RCC2: variants seen among roughly 807,000 people sequenced by gnomAD.
RCC2 encodes regulator of chromosome condensation 2.
Under a neutral mutation model 64.1 loss-of-function variants are expected in RCC2, and 19 were observed. The observed-to-expected ratio is 0.30, with a 90% CI of 0.21 to 0.44. RCC2 has a LOEUF of 0.44. Among genes scored for constraint, RCC2 ranks in the 20% least tolerant of loss-of-function variants. RCC2 has a pLI of 1.00. For missense variants in RCC2, 508 were observed against 710.4 expected (o/e 0.72, Z 3.24); for synonymous variants, 325 against 279.6 (o/e 1.16, Z -1.62).
rs7531914 is a variant in RCC2 at position 17,409,076 on chromosome 1, A to C, written c.*14T>G. 109 of 1,555,142 alleles carry C rather than the reference A, an allele frequency of 7.0e-5. No individual in the cohort carries two copies. The highest frequency in any genetic ancestry group is 9.0e-5 in the Non-Finnish European group (101 of 1,126,300). On this transcript the variant is annotated 3_prime_UTR_variant, in exon 13 of 13. Coordinates refer to ENST00000375436, the MANE Select transcript of RCC2 (RefSeq NM_018715.4). ...GCCGCGAGAGGTGTGGAGTCGGAGGAGTCTCCGGGAGCATCAGAGGGTTCG... is the reference window on the plus strand; with the variant it reads ...GCCGCGAGAGGTGTGGAGTCGGAGGCGTCTCCGGGAGCATCAGAGGGTTCG...
chr1:17,437,373 C>G (rs2075745522), intron 2 of RCC2, among the ~76,000 whole-genome samples: 1 of 152,074 alleles, frequency 6.6e-6, no homozygotes. Flanking sequence ...ACATATCCCA[C>G]ACCACACCAA....
intron 2 of RCC2, among the ~76,000 whole-genome samples, chr1:17,432,945 G>A (rs1409343397): frequency 4.0e-5 from 6 of 151,796 alleles, no homozygotes; most frequent in Admixed American, 2.0e-4. Flanking sequence ...GCGAAAGAGC[G>A]AGACTCCATC....
intron 1 of RCC2, among the ~76,000 whole-genome samples, chr1:17,438,892 A>C (rs1253289590): frequency 2.0e-5 from 3 of 152,336 alleles, no homozygotes; most frequent in Non-Finnish European, 2.9e-5. Flanking sequence ...TCATTAAAGA[A>C]GGCTTCGGGA....
intron 4 of RCC2, among the ~76,000 whole-genome samples, chr1:17,424,260 A>G (rs1216630756): frequency 6.6e-6 from 1 of 152,224 alleles, no homozygotes; most frequent in African/African-American, 2.4e-5. Context: ...CACCAACTGC[A>G]CTGTCTGCTC....
chr1:17,407,322 T>C lies in RCC2; in HGVS notation c.*1768A>G, dbSNP rs2100344078. The C allele has an allele frequency of 6.6e-6, 1 of 152,248 alleles. No individual in the cohort carries two copies. The highest frequency in any genetic ancestry group is 6.5e-5 in the Admixed American group (1 of 15,294). The allele number at this position is 152,248 out of a possible 1,614,324, so 9.4% of individuals were successfully genotyped here. ...CAAGGGTGCCAGGAGCACAGGTGCC[T>C]GGGCTGCATTCCAGGAAAGAGACCT... On this transcript the variant is annotated 3_prime_UTR_variant, in exon 13 of 13. Transcript: ENST00000375436.
chr1:17,429,078 A>G (rs376673006), intron 3 of RCC2, 28 bp downstream of exon 3: 69 of 1,563,560 alleles, frequency 4.4e-5, no homozygotes, highest in Non-Finnish European at 5.9e-5. Context: ...GAAGCACTCA[A>G]TGGGTTTTTG....
At chr1:17,420,690 C>G (rs763648052) in intron 7 of RCC2, 24 bp downstream of exon 7, 1 of 1,467,344 alleles carries the variant, frequency 6.8e-7, no homozygotes, top group South Asian at 1.2e-5. Flanking sequence ...GATTACAGAG[C>G]TTTTAAAAAA....
At chr1:17,409,537 C>G (rs1265115806) in intron 12 of RCC2, among the ~76,000 whole-genome samples, 1 of 152,266 alleles carries the variant, frequency 6.6e-6, no homozygotes, top group Admixed American at 6.5e-5. Flanking sequence ...TGCACCACCC[C>G]TCTCTGTGTC....
intron 3 of RCC2, among the ~76,000 whole-genome samples, chr1:17,426,844 C>A (rs60387933): frequency 0.36 from 52,882 of 148,506 alleles, 9,359 homozygotes; most frequent in South Asian, 0.41. Flanking sequence ...TTCACTGCAA[C>A]CTCTGCCTCC....
chr1:17,422,366 T>C (rs1233780881), intron 5 of RCC2, 75 bp from the exon 6 acceptor site: 1 of 1,362,514 alleles, frequency 7.3e-7, no homozygotes, highest in Non-Finnish European at 1.0e-6. Context: ...ATCAAAGGCA[T>C]CAAAATAATA....
chr1:17,420,419 ATTT>A (rs960344783), intron 7 of RCC2, among the ~76,000 whole-genome samples: 2 of 151,644 alleles, frequency 1.3e-5, no homozygotes, highest in Admixed American at 1.3e-4. Context: ...AGGTGGTCTG[ATTT>A]TTTTTTAACT....
At chr1:17,434,442 C>T (rs2075715552) in intron 2 of RCC2, among the ~76,000 whole-genome samples, 1 of 152,188 alleles carries the variant, frequency 6.6e-6, no homozygotes, top group Non-Finnish European at 1.5e-5. Flanking sequence ...GCAGAGGGCA[C>T]GGAAACACAG....
chr1:17,435,740 A>C (rs1268168901), intron 2 of RCC2, among the ~76,000 whole-genome samples: 2 of 152,168 alleles, frequency 1.3e-5, no homozygotes, highest in African/African-American at 4.8e-5. Context: ...AACGTGGTGA[A>C]ACCCCGTCTC....
intron 7 of RCC2, among the ~76,000 whole-genome samples, chr1:17,417,473 G>A (rs979564023): frequency 6.6e-6 from 1 of 152,216 alleles, no homozygotes; most frequent in African/African-American, 2.4e-5. Context: ...TTTGAGACCA[G>A]CCTGGCCAAC....
intron 2 of RCC2, among the ~76,000 whole-genome samples, chr1:17,435,034 T>A (rs1469919697): frequency 6.6e-6 from 1 of 151,744 alleles, no homozygotes; most frequent in African/African-American, 2.4e-5. Context: ...ACCCAGGAGG[T>A]GGAGGCTGCA....
intron 3 of RCC2, among the ~76,000 whole-genome samples, chr1:17,426,716 C>T (rs1349809171): frequency 1.3e-5 from 2 of 151,864 alleles, no homozygotes; most frequent in Non-Finnish European, 2.9e-5. Context: ...AACCCCCCTT[C>T]ACACCCTATT....
chr1:17,427,894 T>A lies in RCC2; in HGVS notation c.379+1212A>T, dbSNP rs113932139. Among the ~76,000 whole-genome samples, 844 of 152,274 alleles carry A rather than the reference T, an allele frequency of 5.5e-3. 8 individuals carry two copies. Among genetic ancestry groups the A allele is most frequent in the Admixed American group, 8.8e-3 (135 of 15,300 alleles). On this transcript the variant is annotated intron_variant, in intron 3 of 12. Transcript: ENST00000375436. ...GCAGTCCCAGGCTCTGCGGTCAGAC[T>A]GAGAAGTCAATTCCCACGGCCTCCG...
chr1:17,427,754 T>G (rs989621891), intron 3 of RCC2, among the ~76,000 whole-genome samples: 11 of 150,922 alleles, frequency 7.3e-5, no homozygotes, highest in African/African-American at 2.7e-4. Context: ...AGGATGCCAC[T>G]GGCTCCTGAG....
chr1:17,407,277 A>G lies in RCC2; in HGVS notation c.*1813T>C, dbSNP rs574353749. 1 of 152,258 alleles carries G rather than the reference A, an allele frequency of 6.6e-6. No individual in the cohort carries two copies. The highest frequency in any genetic ancestry group is 1.5e-5 in the Non-Finnish European group (1 of 68,040). 9.4% of individuals were successfully genotyped at this position (152,258 alleles called of 1,614,324 possible). ...TGCGTCCTCAACCCTCTCGGTGACC[A>G]CGGCTCAAAGGAGAGACCTCAAGGG... On this transcript the variant is annotated 3_prime_UTR_variant, in exon 13 of 13. Transcript: ENST00000375436.
Sources: gnomAD v4.1 joint callset for allele counts (sites outside exome capture counted in the v4.1 genomes callset) on GRCh38, gnomAD v4.1.1 for gene constraint, MANE v1.5 for transcripts, NCBI Gene and HGNC (gene_info 2026-07-23, HGNC 2026-07-21) for gene names.